Variants in MYO9B observed in about 807,000 individuals in gnomAD.
The protein encoded by MYO9B is unconventional myosin-IXb.
In MYO9B, 71 loss-of-function variants were observed where a neutral mutation model predicts 229.5. That is an observed-to-expected ratio of 0.31 (90% CI 0.26 to 0.38). The LOEUF (loss-of-function observed/expected upper bound fraction) is 0.38, where lower values mean the gene tolerates loss of function less well. Ranked by LOEUF, MYO9B falls within the 10% of genes least tolerant of loss-of-function variation. MYO9B has a pLI of 1.00. For synonymous variants in MYO9B, 1,185 were observed against 1,235.8 expected, an observed-to-expected ratio of 0.96 and a Z score of 0.86; for missense variants, 2,255 against 2,920.5, an observed-to-expected ratio of 0.77 and a Z score of 5.25.
chr19:17,194,008 C>T (rs762085789), intron 21 of MYO9B, among the ~76,000 whole-genome samples: 3 of 151,950 alleles, frequency 2.0e-5, no homozygotes, highest in Non-Finnish European at 2.9e-5. Context: ...CCCCATCTTA[C>T]GAAAAATACA....
intron 2 of MYO9B, among the ~76,000 whole-genome samples, chr19:17,131,080 A>G (rs1320758688): frequency 6.6e-6 from 1 of 152,160 alleles, no homozygotes; most frequent in Non-Finnish European, 1.5e-5. Context: ...CGGTTTAGCT[A>G]GAAACTGCTG....
At chr19:17,206,947 C>A in intron 34 of MYO9B, 163 bp downstream of exon 34, 1 of 1,273,320 alleles carries the variant, frequency 7.9e-7, no homozygotes, top group African/African-American at 1.5e-5. Flanking sequence ...CTGGGCCGCC[C>A]GGGTCCCTTG....
chr19:17,206,034 C>T lies in MYO9B; in HGVS notation c.5139C>T (p.Pro1713=), dbSNP rs761998476. The T allele has an allele frequency of 1.2e-6, 2 of 1,609,554 alleles. No homozygotes were observed. Among genetic ancestry groups the T allele is most frequent in the Non-Finnish European group, 1.7e-6 (2 of 1,177,372 alleles). ...DSLTSDKASV[P]IVLEKLLEHV... ...TGACCAGCGACAAGGCCTCGGTGCC[C>T]ATCGTGCTGGAGAAGCTCCTGGAAC... Residue 1713 remains proline, a synonymous_variant, in exon 32 of 40, where the codon CCC becomes CCT. Transcript: ENST00000682292.
intron 33 of MYO9B, 47 bp from the exon 34 acceptor site, chr19:17,206,632 C>A: frequency 1.3e-6 from 2 of 1,504,068 alleles, no homozygotes; most frequent in Non-Finnish European, 1.8e-6. Context: ...CAACAGGCAC[C>A]TTGGGGACCC....
In MYO9B at chr19:17,173,007, G is replaced by C. The variant is rs112438822; in HGVS notation, c.2140+44G>C. ...ACCCACAAAAGCGTCACTGTCGAGA[G>C]GGGGGCACATCCTGAGTTCATCTTA... On this transcript the variant is annotated intron_variant, in intron 13 of 39. Coordinates refer to ENST00000682292, the MANE Select transcript of MYO9B (RefSeq NM_004145.4). 3,692 of 1,582,220 alleles carry C rather than the reference G, an allele frequency of 2.3e-3. 60 individuals are homozygous for C. The African/African-American group carries it at 0.042, about 18-fold the overall frequency.
intron 2 of MYO9B, among the ~76,000 whole-genome samples, chr19:17,130,683 C>T (rs534273621): frequency 1.3e-5 from 2 of 151,356 alleles, no homozygotes; most frequent in Non-Finnish European, 2.9e-5. Flanking sequence ...ACTCAGGAGG[C>T]TGAGGCAGGA....
intron 1 of MYO9B, among the ~76,000 whole-genome samples, chr19:17,077,306 G>A (rs1048209979): frequency 6.6e-6 from 1 of 152,216 alleles, no homozygotes; most frequent in Admixed American, 6.5e-5. Context: ...GCTCATTCAG[G>A]AGATGAACCC....
chr19:17,104,129 C>T (rs2057771634), intron 2 of MYO9B, among the ~76,000 whole-genome samples: 1 of 151,988 alleles, frequency 6.6e-6, no homozygotes. Context: ...CTCAAGGTGC[C>T]TGAAAGAAAA....
chr19:17,088,710 A>AGT (rs1405252880), intron 1 of MYO9B, among the ~76,000 whole-genome samples: 4 of 151,852 alleles, frequency 2.6e-5, no homozygotes, highest in African/African-American at 9.7e-5. Flanking sequence ...AGAGAGAGAG[A>AGT]AACAGGATCT....
At chr19:17,188,184 C>G in intron 19 of MYO9B, 139 bp downstream of exon 19, 1 of 662,780 alleles carries the variant, frequency 1.5e-6, no homozygotes, top group Non-Finnish European at 2.6e-6. Context: ...ATCCCAGCAC[C>G]TTGGGAGGCT....
intron 2 of MYO9B, among the ~76,000 whole-genome samples, chr19:17,121,130 A>C (rs572292365): frequency 6.6e-6 from 1 of 152,188 alleles, no homozygotes. Flanking sequence ...TTTAGTAGAG[A>C]TGGGGTTTTG....
intron 18 of MYO9B, 41 bp downstream of exon 18, chr19:17,186,042 C>G (rs758719807): frequency 6.3e-6 from 10 of 1,578,178 alleles, no homozygotes; most frequent in Non-Finnish European, 8.7e-6. Context: ...AGGCCCATGC[C>G]GGACTCTTAG....
At chr19:17,209,179 TACTG>T (rs1307010120) in intron 35 of MYO9B, among the ~76,000 whole-genome samples, 2 of 152,196 alleles carry the variant, frequency 1.3e-5, no homozygotes, top group Non-Finnish European at 2.9e-5. Flanking sequence ...GACCCTCTGA[TACTG>T]ACAACACCAG....
intron 14 of MYO9B, among the ~76,000 whole-genome samples, 165 bp downstream of exon 14, chr19:17,175,906 C>T (rs561061775): frequency 6.6e-6 from 1 of 151,346 alleles, no homozygotes; most frequent in Admixed American, 6.6e-5. Flanking sequence ...AATCTCGGCT[C>T]ACCCCAACTT....
chr19:17,118,512 C>T (rs1023380708), intron 2 of MYO9B, among the ~76,000 whole-genome samples: 1 of 151,640 alleles, frequency 6.6e-6, no homozygotes, highest in Admixed American at 6.6e-5. Flanking sequence ...GACAGAGTTT[C>T]ACTCTGTCAC....
intron 1 of MYO9B, among the ~76,000 whole-genome samples, chr19:17,086,016 C>G (rs2057579235): frequency 6.6e-6 from 1 of 152,298 alleles, no homozygotes; most frequent in East Asian, 1.9e-4. Flanking sequence ...CCACCTGTGT[C>G]TCATGGGCCT....
intron 20 of MYO9B, among the ~76,000 whole-genome samples, chr19:17,191,575 T>C (rs1307308863): frequency 6.6e-6 from 1 of 152,088 alleles, no homozygotes; most frequent in Non-Finnish European, 1.5e-5. Context: ...AGAGACTGTC[T>C]CCCATCTCTG....
intron 24 of MYO9B, 140 bp from the exon 25 acceptor site, chr19:17,200,153 A>G: frequency 2.7e-6 from 3 of 1,109,284 alleles, no homozygotes; most frequent in South Asian, 1.7e-5. Context: ...GATTACAGGC[A>G]TAAGCCACCA....
At chr19:17,211,095 G>C (rs2073223773) in intron 38 of MYO9B, among the ~76,000 whole-genome samples, 1 of 142,892 alleles carries the variant, frequency 7.0e-6, no homozygotes, top group African/African-American at 2.6e-5. Flanking sequence ...GCGATTCTCT[G>C]CCTCAGCCTC....
Sources: allele counts gnomAD v4.1 joint callset (sites outside exome capture counted in the v4.1 genomes callset), GRCh38; gene constraint gnomAD v4.1.1; transcripts MANE v1.5; gene names NCBI Gene and HGNC (gene_info 2026-07-23, HGNC 2026-07-21).